The following PLCH1 variants were observed in gnomAD, a reference collection of about 807,000 sequenced individuals.
PLCH1 encodes phospholipase C eta 1.
A neutral mutation model predicts 126.7 loss-of-function variants in PLCH1; 60 were observed. The ratio of observed to expected loss-of-function variants is 0.47; its 90% confidence interval spans 0.38 to 0.59. The LOEUF (loss-of-function observed/expected upper bound fraction) is 0.59. PLCH1 is among the 20% of genes least tolerant of loss of function. PLCH1 has a pLI of 0.00. For synonymous variants in PLCH1, 719 were observed against 734.9 expected, an observed-to-expected ratio of 0.98 and a Z score of 0.35; for missense variants, 1,723 against 2,040.0, an observed-to-expected ratio of 0.84 and a Z score of 2.99.
At position 155,458,464 on chromosome 3, in the gene PLCH1, AAG is replaced by A. The variant is rs1712549319; in HGVS notation, c.2938+26890_2938+26891del. 7.6e-5 allele frequency among the ~76,000 whole-genome samples: 8 copies of A among 105,512 alleles called. No individual in the cohort carries two copies. The South Asian group carries it at 8.5e-4, about 11-fold the overall frequency. The allele number at this position is 105,512 out of a possible 152,430, so 69.2% of individuals were successfully genotyped here. A position where few individuals can be genotyped will look rare whatever the true frequency, so the allele number is the denominator to read the frequency against. Reference sequence around the variant, plus strand: ...AAGGAAGGAAGGAAGGAAAGAAAGAAAGAAAGAAAGAAAGAAAGAAAGAAAGA... The same window carrying A: ...AAGGAAGGAAGGAAGGAAAGAAAGAAAAAGAAAGAAAGAAAGAAAGAAAGA... On this transcript the variant is annotated intron_variant, in intron 21 of 21. Transcript: ENST00000494598.
intron 10 of PLCH1, among the ~76,000 whole-genome samples, chr3:155,537,202 C>CAAAAAAAAAAAAAAAAAAAAAAAAAA (rs535908017): frequency 1.4e-3 from 15 of 10,422 alleles, no homozygotes; most frequent in South Asian, 4.9e-3. Flanking sequence ...AAAAAAAAAC[C>CAAAAAAAAAAAAAAAAAAAAAAAAAA]AAAAAAAAAA....
At chr3:155,675,871 A>G in intron 2 of PLCH1, 1 of 561,492 alleles carries the variant, frequency 1.8e-6, no homozygotes, top group Non-Finnish European at 3.1e-6. Flanking sequence ...ATACTGAAAT[A>G]TAATAAATAT....
At chr3:155,518,719 C>T (rs1720678660) in intron 11 of PLCH1, among the ~76,000 whole-genome samples, 1 of 152,118 alleles carries the variant, frequency 6.6e-6, no homozygotes, top group Admixed American at 6.5e-5. Context: ...AAGGAGTGTG[C>T]ATTTGCTGCG....
At chr3:155,728,179 A>G (rs1748485896) in intron 1 of PLCH1, among the ~76,000 whole-genome samples, 1 of 152,122 alleles carries the variant, frequency 6.6e-6, no homozygotes, top group Admixed American at 6.5e-5. Context: ...TTTATCCAGA[A>G]TTTTTAAATG....
chr3:155,504,010 C>T (rs1205051446), intron 13 of PLCH1, among the ~76,000 whole-genome samples: 1 of 152,206 alleles, frequency 6.6e-6, no homozygotes, highest in Non-Finnish European at 1.5e-5. Flanking sequence ...TGGTTCTTGC[C>T]ATCTTTTAAT....
chr3:155,639,383 C>A (rs1467792500), intron 2 of PLCH1, among the ~76,000 whole-genome samples: 2 of 152,090 alleles, frequency 1.3e-5, no homozygotes, highest in East Asian at 3.9e-4. Flanking sequence ...ATCACTTGAG[C>A]CCAGGAGGTT....
At chr3:155,596,516 G>T in intron 2 of PLCH1, 138 bp from the exon 3 acceptor site, 7 of 500,648 alleles carry the variant, frequency 1.4e-5, no homozygotes, top group Non-Finnish European at 2.0e-5. Context: ...GAGGTAATCT[G>T]AAAAGTGAGT....
Position 155,741,684 on chromosome 3 carries a change from C to CTTTTATTTTTTTTT in PLCH1, c.-41+3155_-41+3156insAAAAAAAAATAAAA. Among the ~76,000 whole-genome samples the CTTTTATTTTTTTTT allele has an allele frequency of 1.5e-3, 152 of 102,852 alleles. 3 individuals carry two copies. The highest frequency in any genetic ancestry group is 5.9e-3 in the East Asian group (21 of 3,566). The allele number at this position is 102,852 out of a possible 152,430, so 67.5% of individuals were successfully genotyped here. ...TCCTTTTATCATAATTTTATATCCT[C>CTTTTATTTTTTTTT]TTTTTTTTTTTTTTTTTTTTGTTCA... On this transcript the variant is annotated intron_variant, in intron 1 of 22. Coordinates refer to ENST00000460012, the MANE Select transcript of PLCH1 (RefSeq NM_014996.4).
chr3:155,511,412 T>C (rs1308402806), intron 12 of PLCH1, among the ~76,000 whole-genome samples: 2 of 104,372 alleles, frequency 1.9e-5, no homozygotes, highest in Non-Finnish European at 3.4e-5. Flanking sequence ...CTGTGTTCCT[T>C]TGGAGGAGGA....
chr3:155,568,198 G>T, intron 7 of PLCH1, 33 bp downstream of exon 7: 1 of 958,212 alleles, frequency 1.0e-6, no homozygotes, highest in Non-Finnish European at 1.7e-6. Context: ...GCTGAATCAA[G>T]AAATGAGAAA....
chr3:155,744,310 A>T (rs2109229183), intron 1 of PLCH1, among the ~76,000 whole-genome samples: 1 of 152,250 alleles, frequency 6.6e-6, no homozygotes, highest in South Asian at 2.1e-4. Context: ...AGGGCAATGG[A>T]GTATATCCTC....
chr3:155,542,316 A>G (rs930710036), intron 10 of PLCH1, among the ~76,000 whole-genome samples: 152 of 152,336 alleles, frequency 1.0e-3, no homozygotes, highest in Admixed American at 4.0e-3. Context: ...ACTGCAAGGC[A>G]GCAGCGAGGC....
chr3:155,514,012 A>G (rs921183848), intron 12 of PLCH1, among the ~76,000 whole-genome samples: 11 of 152,298 alleles, frequency 7.2e-5, no homozygotes, highest in South Asian at 4.1e-4. Context: ...GTTATCTCGC[A>G]ACCATCATAG....
At chr3:155,580,637 C>A (rs1334111197) in intron 6 of PLCH1, among the ~76,000 whole-genome samples, 1 of 152,014 alleles carries the variant, frequency 6.6e-6, no homozygotes, top group African/African-American at 2.4e-5. Context: ...CAAATTAGCA[C>A]TAAAACTAAG....
chr3:155,570,760 T>C (rs1729097372), intron 6 of PLCH1, among the ~76,000 whole-genome samples: 1 of 152,228 alleles, frequency 6.6e-6, no homozygotes, highest in Admixed American at 6.5e-5. Context: ...CCAAAGCACT[T>C]TCTTGTATAA....
intron 4 of PLCH1, among the ~76,000 whole-genome samples, chr3:155,592,874 G>A (rs1732396420): frequency 6.6e-6 from 1 of 152,154 alleles, no homozygotes; most frequent in Non-Finnish European, 1.5e-5. Context: ...GTTAAATCCT[G>A]TTTGTGTTTT....
chr3:155,734,645 A>G (rs1319728507), intron 1 of PLCH1, among the ~76,000 whole-genome samples: 1 of 152,074 alleles, frequency 6.6e-6, no homozygotes, highest in East Asian at 1.9e-4. Flanking sequence ...AGTGTCCATC[A>G]GTAGATGAAG....
At chr3:155,565,746 A>G (rs1486581851) in intron 7 of PLCH1, among the ~76,000 whole-genome samples, 1 of 148,132 alleles carries the variant, frequency 6.8e-6, no homozygotes, top group Non-Finnish European at 1.5e-5. Context: ...CCCAGGCTGG[A>G]GTGCAATGGC....
intron 22 of PLCH1, among the ~76,000 whole-genome samples, chr3:155,485,079 G>T (rs911505587): frequency 6.6e-6 from 1 of 152,008 alleles, no homozygotes; most frequent in Non-Finnish European, 1.5e-5. Context: ...TATTTTGCAG[G>T]TTTCATCTTC....
Sources: allele counts gnomAD v4.1 joint callset (sites outside exome capture counted in the v4.1 genomes callset), GRCh38; gene constraint gnomAD v4.1.1; transcripts MANE v1.5; gene names NCBI Gene and HGNC (gene_info 2026-07-23, HGNC 2026-07-21).